Variants in RORA observed in about 807,000 individuals in gnomAD.
The protein encoded by RORA is nuclear receptor ROR-alpha.
In RORA, 7 loss-of-function variants were observed where a neutral mutation model predicts 69.5. That is an observed-to-expected ratio of 0.10 (90% CI 0.06 to 0.19). RORA has a LOEUF of 0.19. Among genes scored for constraint, RORA ranks in the 10% least tolerant of loss-of-function variants. The pLI is 1.00. For missense variants in RORA, 457 were observed against 663.0 expected (o/e 0.69, Z 3.41); for synonymous variants, 261 against 240.8 (o/e 1.08, Z -0.78).
chr15:60,498,435 T>C (rs1408356269), intron 10 of RORA, among the ~76,000 whole-genome samples: 1 of 152,188 alleles, frequency 6.6e-6, no homozygotes, highest in South Asian at 2.1e-4. Context: ...TTCTTTTCGA[T>C]AAGGAGTTTT....
chr15:60,918,273 G>A (rs1391045981), intron 1 of RORA, among the ~76,000 whole-genome samples: 4 of 152,200 alleles, frequency 2.6e-5, no homozygotes, highest in Non-Finnish European at 4.4e-5. Context: ...CAGTATCAAT[G>A]CCTTCACTAA....
rs149112612 is a variant in RORA at position 60,827,371 on chromosome 15, T to A, written c.167-148685A>T. On this transcript the variant is annotated intron_variant, in intron 1 of 10. Transcript: ENST00000335670. ...GAAAGAACAGGAGCTTTAGGGCTGC[T>A]AAGAAAATGTCTGGCACGTAAAAAA... 6.9e-4 allele frequency among the ~76,000 whole-genome samples: 105 copies of A among 152,372 alleles called. 1 individual carries two copies. The highest frequency in any genetic ancestry group is 2.4e-3 in the African/African-American group (101 of 41,594).
chr15:61,148,311 A>G (rs2079368735), intron 1 of RORA, among the ~76,000 whole-genome samples: 1 of 152,204 alleles, frequency 6.6e-6, no homozygotes, highest in African/African-American at 2.4e-5. Context: ...GCTTTGTTTC[A>G]GTTGGATGCT....
intron 2 of RORA, chr15:60,558,531 G>A (rs1318675853): frequency 2.4e-6 from 1 of 424,860 alleles, no homozygotes; most frequent in Non-Finnish European, 4.2e-6. Flanking sequence ...GCGTATGTTT[G>A]ATGTTTCTTT....
chr15:60,665,128 A>C (rs777081475), intron 2 of RORA, among the ~76,000 whole-genome samples: 1 of 152,216 alleles, frequency 6.6e-6, no homozygotes, highest in Non-Finnish European at 1.5e-5. Context: ...TCTTTCCAGA[A>C]TTTACCTTAA....
chr15:61,135,521 T>A (rs534054723), intron 1 of RORA, among the ~76,000 whole-genome samples: 1 of 149,190 alleles, frequency 6.7e-6, no homozygotes, highest in African/African-American at 2.5e-5. Context: ...TGATAGTTTT[T>A]CTCACACTTT....
At chr15:60,508,694 C>G (rs532840374) in intron 5 of RORA, among the ~76,000 whole-genome samples, 1 of 152,298 alleles carries the variant, frequency 6.6e-6, no homozygotes, top group South Asian at 2.1e-4. Context: ...CTACAGCTCG[C>G]AGATGTTACG....
chr15:60,726,730 A>T (rs191967605), intron 1 of RORA, among the ~76,000 whole-genome samples: 475 of 152,306 alleles, frequency 3.1e-3, no homozygotes, highest in Non-Finnish European at 5.2e-3. Context: ...ACCAGACTTC[A>T]GGCAAGCAGG....
At chr15:60,802,372 G>A (rs2072596412) in intron 1 of RORA, among the ~76,000 whole-genome samples, 1 of 152,176 alleles carries the variant, frequency 6.6e-6, no homozygotes, top group South Asian at 2.1e-4. Context: ...ATTATTTCTA[G>A]CTTTACAGAG....
chr15:60,699,780 G>T (rs564791927), intron 1 of RORA, among the ~76,000 whole-genome samples: 3 of 151,920 alleles, frequency 2.0e-5, no homozygotes, highest in Admixed American at 1.3e-4. Flanking sequence ...GTTTTTGCCT[G>T]CCACAATAAC....
intron 1 of RORA, among the ~76,000 whole-genome samples, chr15:61,192,991 C>T (rs922548848): frequency 6.6e-6 from 1 of 152,108 alleles, no homozygotes; most frequent in Non-Finnish European, 1.5e-5. Flanking sequence ...GGCACGAAAC[C>T]TTCAACGACT....
intron 1 of RORA, among the ~76,000 whole-genome samples, chr15:61,200,746 G>A (rs1034149397): frequency 5.9e-5 from 9 of 152,098 alleles, no homozygotes; most frequent in Admixed American, 4.6e-4. Context: ...GGCAGTTGTT[G>A]CACTTAATTG....
At chr15:60,687,634 G>A (rs1389408968) in intron 1 of RORA, among the ~76,000 whole-genome samples, 2 of 152,180 alleles carry the variant, frequency 1.3e-5, no homozygotes, top group African/African-American at 4.8e-5. Context: ...CATGCCTGAA[G>A]TCCCAGCTGC....
chr15:60,749,743 TA>T (rs1450752193), intron 1 of RORA, among the ~76,000 whole-genome samples: 6 of 152,150 alleles, frequency 3.9e-5, no homozygotes, highest in African/African-American at 1.4e-4. Context: ...TAGCTAATAT[TA>T]GGGCTGGGTG....
chr15:61,203,658 G>A (rs545811199), intron 1 of RORA, among the ~76,000 whole-genome samples: 12 of 152,182 alleles, frequency 7.9e-5, no homozygotes, highest in Non-Finnish European at 1.2e-4. Context: ...AAGTGTCCAC[G>A]AACATTCTAG....
Position 60,899,300 on chromosome 15 carries a change from GCATGT to G in RORA, c.167-220619_167-220615del, listed in dbSNP as rs1426727350. ...TGGAACTCTGCATTCAGCTACCTGG[GCATGT>G]CAAAAGCACATCATGCAATAAGCCA... On this transcript the variant is annotated intron_variant, in intron 1 of 10. Transcript: ENST00000335670. Among the ~76,000 whole-genome samples the G allele has an allele frequency of 5.9e-5, 9 of 152,266 alleles. No individual in the cohort carries two copies. In the East Asian group the frequency reaches 1.5e-3, roughly 26 times the overall value.
intron 1 of RORA, among the ~76,000 whole-genome samples, chr15:60,975,113 C>T (rs1246674180): frequency 6.6e-6 from 1 of 152,118 alleles, no homozygotes; most frequent in African/African-American, 2.4e-5. Context: ...AGGCACACGT[C>T]TTAAAAAGAT....
chr15:60,799,584 A>G (rs143040998), intron 1 of RORA, among the ~76,000 whole-genome samples: 2 of 152,240 alleles, frequency 1.3e-5, no homozygotes, highest in South Asian at 2.1e-4. Flanking sequence ...TGGTCCAAAA[A>G]CATTGCGGGG....
intron 1 of RORA, among the ~76,000 whole-genome samples, chr15:61,093,850 T>C (rs1014040827): frequency 6.6e-6 from 1 of 152,196 alleles, no homozygotes; most frequent in Non-Finnish European, 1.5e-5. Context: ...CAGAACTCCA[T>C]GAAACGGGGT....
Sources: allele counts gnomAD v4.1 joint callset (sites outside exome capture counted in the v4.1 genomes callset), GRCh38; gene constraint gnomAD v4.1.1; transcripts MANE v1.5; gene names NCBI Gene and HGNC (gene_info 2026-07-23, HGNC 2026-07-21).